Variants in SASH1 observed in about 807,000 individuals in gnomAD.
The protein encoded by SASH1 is SAM and SH3 domain-containing protein 1.
A neutral mutation model predicts 125.2 loss-of-function variants in SASH1; 44 were observed. That is an observed-to-expected ratio of 0.35 (90% CI 0.28 to 0.45). SASH1 has a LOEUF of 0.45. Ranked by LOEUF, SASH1 falls within the 20% of genes least tolerant of loss-of-function variation. The probability of loss-of-function intolerance (pLI) is 1.00; values close to 1 mark genes in which losing one functional copy is unlikely to be tolerated. For missense variants in SASH1, 1,426 were observed against 1,614.5 expected (o/e 0.88, Z 2.00); for synonymous variants, 639 against 649.1 (o/e 0.98, Z 0.24).
chr6:148,408,342 G>C (rs1784465078), intron 2 of SASH1, among the ~76,000 whole-genome samples: 1 of 151,040 alleles, frequency 6.6e-6, no homozygotes, highest in Middle Eastern at 3.4e-3. Flanking sequence ...TCCTGACCTT[G>C]TGATCCGCCC....
At chr6:148,526,965 C>T (rs146897907) in intron 11 of SASH1, among the ~76,000 whole-genome samples, 20,178 of 151,732 alleles carry the variant, frequency 0.13, 1,346 homozygotes, top group Middle Eastern at 0.25. Flanking sequence ...CTCCACCTCC[C>T]GGATTCACAC....
At chr6:148,259,556 G>A in the SASH1 span, among the ~76,000 whole-genome samples, 7 of 152,250 alleles carry the variant, frequency 4.6e-5, no homozygotes, top group East Asian at 3.9e-4. Context: ...TGCTTGTGTC[G>A]CTGCCTGTCG....
At chr6:148,231,890 G>C in the SASH1 span, among the ~76,000 whole-genome samples, 1 of 151,958 alleles carries the variant, frequency 6.6e-6, no homozygotes, top group South Asian at 2.1e-4. Flanking sequence ...TTTGATACGT[G>C]AGCATGAATA....
intron 1 of SASH1, among the ~76,000 whole-genome samples, chr6:148,297,565 G>A (rs1421817042): frequency 6.6e-6 from 1 of 152,142 alleles, no homozygotes; most frequent in Admixed American, 6.6e-5. Flanking sequence ...CGGGTGTGGC[G>A]GCTTACGCCT....
rs368817486 is a variant in SASH1 at position 148,408,211 on chromosome 6, G to A, written c.285+17949G>A. Among the ~76,000 whole-genome samples the A allele has an allele frequency of 8.3e-5, 12 of 144,608 alleles. No individual in the cohort carries two copies. In the East Asian group the frequency reaches 1.5e-3, roughly 18 times the overall value. 94.9% of individuals were successfully genotyped at this position (144,608 alleles called of 152,430 possible). On this transcript the variant is annotated intron_variant, in intron 2 of 19. Transcript: ENST00000367467. Reference sequence around the variant, plus strand: ...CAACCTCCTACTCCTGGGTTCAAGCGATTCTCCTGCCTCAACCTCCCAAGT... The same window carrying A: ...CAACCTCCTACTCCTGGGTTCAAGCAATTCTCCTGCCTCAACCTCCCAAGT...
At chr6:148,417,296 T>A (rs1456967282) in intron 2 of SASH1, among the ~76,000 whole-genome samples, 1 of 152,102 alleles carries the variant, frequency 6.6e-6, no homozygotes, top group Non-Finnish European at 1.5e-5. Context: ...GTTAAGAGTG[T>A]GTATCCCTGG....
Position 148,425,340 on chromosome 6 carries a change from C to G in SASH1, c.286-14844C>G, listed in dbSNP as rs563551615. On this transcript the variant is annotated intron_variant, in intron 2 of 19. Coordinates refer to ENST00000367467, the MANE Select transcript of SASH1 (RefSeq NM_015278.5). ...CTGTGTCTGTTAATGAAATAAGGTG[C>G]TTTTACATTCTTGAAATAGAAATTG... 2.6e-5 allele frequency among the ~76,000 whole-genome samples: 4 copies of G among 152,204 alleles called. No homozygotes were observed. The East Asian group carries it at 5.8e-4, about 22-fold the overall frequency.
intron 2 of SASH1, among the ~76,000 whole-genome samples, chr6:148,425,639 C>A: frequency 6.6e-6 from 1 of 151,896 alleles, no homozygotes; most frequent in East Asian, 1.9e-4. Context: ...TATGTCAATT[C>A]GATATTTAAT....
At chr6:148,526,739 G>C (rs1781186193) in intron 11 of SASH1, among the ~76,000 whole-genome samples, 1 of 152,188 alleles carries the variant, frequency 6.6e-6, no homozygotes, top group South Asian at 2.1e-4. Flanking sequence ...AATCCAATCA[G>C]ATGTTGCTCT....
chr6:148,449,078 C>CTTTTTTTTTTTTTTTTTT lies in SASH1; in HGVS notation c.386+8686_386+8687insTTTTTTTTTTTTTTTTTT. On this transcript the variant is annotated intron_variant, in intron 4 of 19. Coordinates refer to ENST00000367467, the MANE Select transcript of SASH1 (RefSeq NM_015278.5). ...GAGACTGGCTAATTTCATTTCATTT[C>CTTTTTTTTTTTTTTTTTT]TTTTTTTTTTTTTTTGGAGACAGAG... Among the ~76,000 whole-genome samples, 32 of 88,692 alleles carry CTTTTTTTTTTTTTTTTTT rather than the reference C, an allele frequency of 3.6e-4. 3 individuals carry two copies. Among genetic ancestry groups the CTTTTTTTTTTTTTTTTTT allele is most frequent in the Non-Finnish European group, 5.1e-4 (22 of 43,418 alleles). The allele number at this position is 88,692 out of a possible 152,430, so 58.2% of individuals were successfully genotyped here. A position where few individuals can be genotyped will look rare whatever the true frequency, so the allele number is the denominator to read the frequency against.
the SASH1 span, among the ~76,000 whole-genome samples, chr6:148,256,355 G>A: frequency 2.0e-5 from 3 of 152,100 alleles, no homozygotes; most frequent in Admixed American, 6.5e-5. Flanking sequence ...TTTATAAAGT[G>A]CTTTAATTTA....
At chr6:148,350,070 C>G (rs1384150778) in intron 1 of SASH1, among the ~76,000 whole-genome samples, 1 of 152,088 alleles carries the variant, frequency 6.6e-6, no homozygotes, top group Non-Finnish European at 1.5e-5. Context: ...TGGTCTCGAT[C>G]TCCTGACCTC....
chr6:148,524,385 T>C (rs1781010480), intron 10 of SASH1: 2 of 152,066 alleles, frequency 1.3e-5, no homozygotes, highest in Non-Finnish European at 2.9e-5. Context: ...AACATTAATG[T>C]GTGTTGTGGG....
At chr6:148,262,885 A>G in the SASH1 span, among the ~76,000 whole-genome samples, 1 of 152,208 alleles carries the variant, frequency 6.6e-6, no homozygotes, top group South Asian at 2.1e-4. Context: ...AAAGAAAAGA[A>G]AGAAAGAAAG....
At position 148,531,521 on chromosome 6, in the gene SASH1, G is replaced by A; in HGVS notation, c.1429-5G>A. The A allele has an allele frequency of 6.7e-7, 1 of 1,503,638 alleles. No individual in the cohort carries two copies. The highest frequency in any genetic ancestry group is 8.9e-7 in the Non-Finnish European group (1 of 1,122,758). The allele number at this position is 1,503,638 out of a possible 1,614,324, so 93.1% of individuals were successfully genotyped here. A position where few individuals can be genotyped will look rare whatever the true frequency, so the allele number is the denominator to read the frequency against. On this transcript the variant is annotated splice_region_variant and splice_polypyrimidine_tract_variant and intron_variant, in intron 12 of 19. Coordinates refer to ENST00000367467, the MANE Select transcript of SASH1 (RefSeq NM_015278.5). ...ACTTCTTCATTTTGTTGAAACCCAT[G>A]GCAGGACTCGGGCCTTGATGGAATG...
chr6:148,410,059 G>A (rs1177012388), intron 2 of SASH1, among the ~76,000 whole-genome samples: 1 of 148,624 alleles, frequency 6.7e-6, no homozygotes, highest in Non-Finnish European at 1.5e-5. Context: ...ACCTGTGCAA[G>A]AGGGACATTG....
At chr6:148,249,598 G>T in the SASH1 span, among the ~76,000 whole-genome samples, 12 of 152,088 alleles carry the variant, frequency 7.9e-5, no homozygotes, top group Non-Finnish European at 1.8e-4. Context: ...ACCTCCCTAC[G>T]CCTCAGTTAA....
At chr6:148,335,943 G>A (rs978538290) in intron 1 of SASH1, among the ~76,000 whole-genome samples, 8 of 151,952 alleles carry the variant, frequency 5.3e-5, no homozygotes, top group Admixed American at 4.6e-4. Context: ...TGAGTGGTAG[G>A]GGAAGGAAAA....
chr6:148,442,508 C>T (rs1055531690), intron 4 of SASH1, among the ~76,000 whole-genome samples: 4 of 152,128 alleles, frequency 2.6e-5, no homozygotes, highest in Admixed American at 2.6e-4. Context: ...GACATTTGCA[C>T]ACTCCTGAGC....
Sources: allele counts gnomAD v4.1 joint callset (sites outside exome capture counted in the v4.1 genomes callset), GRCh38; gene constraint gnomAD v4.1.1; transcripts MANE v1.5; gene names NCBI Gene and HGNC (gene_info 2026-07-23, HGNC 2026-07-21).